The following LOXL4 variants were observed in gnomAD, a reference collection of about 807,000 sequenced individuals.
LOXL4 encodes lysyl oxidase like 4, also known as lysyl oxidase homolog 4.
In LOXL4, 72 loss-of-function variants were observed where a neutral mutation model predicts 89.1. The ratio of observed to expected loss-of-function variants is 0.81; its 90% CI spans 0.67 to 0.98. The LOEUF is 0.98. Among genes scored for constraint, LOXL4 ranks in the 50% least tolerant of loss-of-function variants. LOXL4 has a pLI of 0.00. For missense variants in LOXL4, 984 were observed against 1,017.5 expected, an observed-to-expected ratio of 0.97 and a Z score of 0.45; for synonymous variants, 355 against 392.1, an observed-to-expected ratio of 0.91 and a Z score of 1.12.
chr10:98,253,940 T>G (rs1193500098), intron 10 of LOXL4, 144 bp from the exon 11 acceptor site: 2 of 995,802 alleles, frequency 2.0e-6, no homozygotes, highest in African/African-American at 3.2e-5. Flanking sequence ...AGTCAGGAGA[T>G]GGTGAGTTCT....
At chr10:98,249,974 A>G (rs1050914658) in intron 14 of LOXL4, among the ~76,000 whole-genome samples, 15 of 152,216 alleles carry the variant, frequency 9.9e-5, no homozygotes, top group African/African-American at 3.6e-4. Context: ...AAATTTGTCA[A>G]TAGTTCCCAG....
intron 11 of LOXL4, among the ~76,000 whole-genome samples, chr10:98,253,040 T>G (rs2135826200): frequency 6.6e-6 from 1 of 152,348 alleles, no homozygotes; most frequent in Admixed American, 6.5e-5. Flanking sequence ...TCTCCCTCTC[T>G]CTGGTCTGGA....
chr10:98,248,676 G>A lies in LOXL4; in HGVS notation c.*245C>T, dbSNP rs186509123. 1 of 463,904 alleles carries A rather than the reference G, an allele frequency of 2.2e-6. No individual in the cohort carries two copies. The highest frequency in any genetic ancestry group is 3.7e-5 in the East Asian group (1 of 26,990). 28.7% of individuals were successfully genotyped at this position (463,904 alleles called of 1,614,324 possible). ...GGTTTCCTTACAGAAGAGGAGCTCA[G>A]CTGAGCAAAGCCTGGAGGACATATT... On this transcript the variant is annotated 3_prime_UTR_variant, in exon 15 of 15. Transcript: ENST00000260702.
rs11189525 is a variant in LOXL4 at position 98,257,796 on chromosome 10, G to A, written c.1114C>T (p.Pro372Ser). The A allele has an allele frequency of 1.3e-5, 21 of 1,612,014 alleles. No homozygotes were observed. The highest frequency in any genetic ancestry group is 4.5e-5 in the East Asian group (2 of 44,846). ...FGARLGQGLG[P>S]IHLSEVRCRG... ...CAGCGCACCTCACTCAGGTGGATGG[G>A]CCCTAGCCCTAGATGGGGAGAGAGG... is the stretch of plus-strand genomic sequence containing the variant. The change falls in exon 8 of 15, where the codon CCC (proline) becomes TCC (serine). Residue 372 changes from proline to serine, a missense_variant. Physicochemically the swap from Pro to Ser is moderately conservative, Grantham distance 74. Coordinates refer to ENST00000260702, the MANE Select transcript of LOXL4 (RefSeq NM_032211.7).
At chr10:98,252,875 TATA>T (rs922538128) in intron 11 of LOXL4, among the ~76,000 whole-genome samples, 15 of 152,342 alleles carry the variant, frequency 9.8e-5, no homozygotes, top group Admixed American at 3.3e-4. Flanking sequence ...CCAATCCAGT[TATA>T]ATGACAGCTC....
rs201087104 is a variant in LOXL4, at chr10:98,262,698, G to A, written c.277+45C>T. 1.0e-4 allele frequency: 164 copies of A among 1,587,670 alleles called. No individual in the cohort carries two copies. The African/African-American group carries it at 2.0e-3, about 20-fold the overall frequency. On this transcript the variant is annotated intron_variant, in intron 2 of 14. Transcript: ENST00000260702. ...TCAGTGAGCCCAGCCCAAGAAGACTGTTACCATCTCCTTGCCATCCCACTA... is the reference window on the plus strand; with the variant it reads ...TCAGTGAGCCCAGCCCAAGAAGACTATTACCATCTCCTTGCCATCCCACTA...
rs968889379 is a variant in LOXL4, at chr10:98,252,726, C to T, written c.1836-258G>A. 1.7e-4 allele frequency among the ~76,000 whole-genome samples: 26 copies of T among 152,308 alleles called. 2 individuals are homozygous for T. In the South Asian group the frequency reaches 4.6e-3, roughly 27 times the overall value. On this transcript the variant is annotated intron_variant, in intron 11 of 14. Coordinates refer to ENST00000260702, the MANE Select transcript of LOXL4 (RefSeq NM_032211.7). ...CAAGAGGTAGAAGCCCTGCTCTGGT[C>T]GCCTCCAGGAGGCTGGTGCCTGACA... is the stretch of plus-strand genomic sequence containing the variant.
At chr10:98,250,970 A>G (rs955978343) in intron 14 of LOXL4, 95 bp downstream of exon 14, 2 of 843,784 alleles carry the variant, frequency 2.4e-6, no homozygotes, top group Admixed American at 3.9e-5. Context: ...CACACATACA[A>G]GTCACACGCT....
intron 1 of LOXL4, among the ~76,000 whole-genome samples, chr10:98,266,362 A>AATG (rs1263358403): frequency 3.3e-5 from 5 of 152,182 alleles, no homozygotes; most frequent in African/African-American, 1.2e-4. Context: ...GGCACTAGAC[A>AATG]GCCCCCCTAT....
chr10:98,261,277 C>G (rs1185404442), intron 3 of LOXL4, 150 bp from the exon 4 acceptor site: 1 of 771,308 alleles, frequency 1.3e-6, no homozygotes, highest in Non-Finnish European at 2.1e-6. Flanking sequence ...AAACTGAGGC[C>G]CAGAGAAGGG....
Position 98,253,806 on chromosome 10 carries a change from C to G in LOXL4, c.1592-10G>C, listed in dbSNP as rs7086391. On this transcript the variant is annotated splice_polypyrimidine_tract_variant and intron_variant, in intron 10 of 14. Coordinates refer to ENST00000260702, the MANE Select transcript of LOXL4 (RefSeq NM_032211.7). ...ACCAGGTCTGGTGCACCTGGGGCGG[C>G]GGAGGGCATGGCAGTGACTCAAAGG... 2.5e-6 allele frequency: 4 copies of G among 1,613,214 alleles called. No homozygotes were observed. The highest frequency in any genetic ancestry group is 2.5e-6 in the Non-Finnish European group (3 of 1,179,810).
intron 1 of LOXL4, among the ~76,000 whole-genome samples, chr10:98,263,655 C>T (rs922621915): frequency 1.3e-5 from 2 of 152,064 alleles, no homozygotes; most frequent in Non-Finnish European, 2.9e-5. Context: ...CTCCACCACT[C>T]ATTGGCTGCA....
chr10:98,261,360 C>T (rs1858535947), intron 3 of LOXL4, among the ~76,000 whole-genome samples: 1 of 152,214 alleles, frequency 6.6e-6, no homozygotes, highest in South Asian at 2.1e-4. Context: ...CCCTCAGTTC[C>T]TCGAATTTGT....
At chr10:98,260,675 T>C (rs1858509963) in intron 4 of LOXL4, among the ~76,000 whole-genome samples, 1 of 151,836 alleles carries the variant, frequency 6.6e-6, no homozygotes, top group African/African-American at 2.4e-5. Context: ...TCTCCCCCAA[T>C]CCCAACACCT....
chr10:98,255,495 C>T, intron 10 of LOXL4, 82 bp downstream of exon 10: 1 of 1,444,234 alleles, frequency 6.9e-7, no homozygotes, highest in Admixed American at 2.1e-5. Flanking sequence ...TGGCCATAGA[C>T]CTGGGACCAG....
chr10:98,262,226 G>T lies in LOXL4; in HGVS notation c.278-13C>A. On this transcript the variant is annotated splice_polypyrimidine_tract_variant and intron_variant, in intron 2 of 14. Transcript: ENST00000260702. ...AGCCAGATGGGTCCTGTGGAGTGGAGGTGATGCTCAAAGATGGCACAGAGA... is the reference window on the plus strand; with the variant it reads ...AGCCAGATGGGTCCTGTGGAGTGGATGTGATGCTCAAAGATGGCACAGAGA... The T allele has an allele frequency of 6.2e-7, 1 of 1,612,458 alleles. No homozygotes were observed. The highest frequency in any genetic ancestry group is 8.5e-7 in the Non-Finnish European group (1 of 1,179,726).
intron 12 of LOXL4, chr10:98,252,118 A>T (rs1318880772): frequency 7.5e-6 from 4 of 529,944 alleles, no homozygotes; most frequent in Middle Eastern, 1.0e-3. Flanking sequence ...CTTCTCCAAG[A>T]TGGAAAGTGC....
At chr10:98,250,894 G>C (rs562259622) in intron 14 of LOXL4, among the ~76,000 whole-genome samples, 171 bp downstream of exon 14, 1 of 152,324 alleles carries the variant, frequency 6.6e-6, no homozygotes, top group South Asian at 2.1e-4. Context: ...ACCAGTTCTA[G>C]AAGTCTGCCT....
At position 98,259,356 on chromosome 10, in the gene LOXL4, C is replaced by T. The variant is rs770390444; in HGVS notation, c.701+35G>A. On this transcript the variant is annotated intron_variant, in intron 5 of 14. Transcript: ENST00000260702. Reference sequence around the variant, plus strand: ...GGATAGAGGCCCTTCATGCCACACCCCTTTGCCTCCTCCCTCTAGGGTGCT... The same window carrying T: ...GGATAGAGGCCCTTCATGCCACACCTCTTTGCCTCCTCCCTCTAGGGTGCT... The T allele has an allele frequency of 3.7e-6, 6 of 1,610,274 alleles. No homozygotes were observed. The East Asian group carries it at 8.9e-5, about 24-fold the overall frequency.
Sources: allele counts gnomAD v4.1 joint callset (sites outside exome capture counted in the v4.1 genomes callset), GRCh38; gene constraint gnomAD v4.1.1; transcripts MANE v1.5; gene names NCBI Gene and HGNC (gene_info 2026-07-23, HGNC 2026-07-21).